The following VPS54 variants were observed in gnomAD, a reference collection of about 807,000 sequenced individuals.
VPS54 encodes vacuolar protein sorting-associated protein 54.
Under a neutral mutation model 121.5 loss-of-function variants are expected in VPS54, and 45 were observed. The observed-to-expected ratio is 0.37, with a 90% confidence interval of 0.29 to 0.47. VPS54 has a LOEUF of 0.47. Ranked by LOEUF, VPS54 falls within the 20% of genes least tolerant of loss-of-function variation. The pLI is 0.99. For missense variants in VPS54, 1,090 were observed against 1,131.4 expected (o/e 0.96, Z 0.52); for synonymous variants, 371 against 385.8 (o/e 0.96, Z 0.45).
chr2:63,970,370 C>T lies in VPS54; in HGVS notation c.458-1379G>A, dbSNP rs149278421. ...GCAGGACCTCAGATGCAAAAGCACT[C>T]ACTCTCAGGGATAGTCAAATGCCTC... is the stretch of plus-strand genomic sequence containing the variant. On this transcript the variant is annotated intron_variant, in intron 4 of 22. Transcript: ENST00000272322. Among the ~76,000 whole-genome samples the T allele has an allele frequency of 5.3e-4, 77 of 144,972 alleles. No homozygotes were observed. In the East Asian group the frequency reaches 0.012, roughly 22 times the overall value.
At chr2:63,926,723 C>T (rs1673923204) in intron 12 of VPS54, among the ~76,000 whole-genome samples, 1 of 152,208 alleles carries the variant, frequency 6.6e-6, no homozygotes, top group Admixed American at 6.5e-5. Flanking sequence ...GGGGATTTCC[C>T]TTTCCTAGCC....
intron 1 of VPS54, among the ~76,000 whole-genome samples, chr2:63,991,154 GTA>G (rs1173139098): frequency 2.0e-5 from 3 of 152,312 alleles, no homozygotes; most frequent in Middle Eastern, 3.4e-3. Context: ...ACAAAGGTGT[GTA>G]TGAGAGCTTG....
At position 63,981,687 on chromosome 2, in the gene VPS54, T is replaced by C. The variant is rs770666033; in HGVS notation, c.337A>G (p.Ser113Gly). Reference protein sequence around the residue: ...VIPSFYLPQISKEHFTVYQQE... With the variant: ...VIPSFYLPQIGKEHFTVYQQE... ...TGATATACTGTAAAATGTTCCTTGC[T>C]GATCTGTGGGAGGTAGAATGAAGGT... Residue 113 changes from serine (S) to glycine (G), a missense_variant, in exon 3 of 23, where the codon AGC becomes GGC. By Grantham distance (56) the Ser-to-Gly change is moderately conservative. Coordinates refer to ENST00000272322, the MANE Select transcript of VPS54 (RefSeq NM_016516.3). The C allele has an allele frequency of 1.2e-6, 2 of 1,611,834 alleles. No homozygotes were observed. The highest frequency in any genetic ancestry group is 1.1e-5 in the South Asian group (1 of 90,768).
chr2:63,910,608 T>G (rs915501624), intron 20 of VPS54, among the ~76,000 whole-genome samples: 2 of 152,202 alleles, frequency 1.3e-5, no homozygotes, highest in African/African-American at 4.8e-5. Flanking sequence ...CATACTTAGG[T>G]ATTTAGGGAT....
chr2:64,017,741 C>T (rs563196365), intron 1 of VPS54, among the ~76,000 whole-genome samples: 2 of 152,274 alleles, frequency 1.3e-5, no homozygotes, highest in African/African-American at 4.8e-5. Flanking sequence ...TGTAATAATT[C>T]TTAAGTTATC....
chr2:63,947,588 G>T, intron 8 of VPS54, 98 bp from the exon 9 acceptor site: 1 of 1,043,640 alleles, frequency 9.6e-7, no homozygotes, highest in Non-Finnish European at 1.3e-6. Context: ...TTGATCCTCA[G>T]ATCTCTATCC....
At chr2:63,945,666 A>C (rs1448074820) in intron 9 of VPS54, among the ~76,000 whole-genome samples, 3 of 152,182 alleles carry the variant, frequency 2.0e-5, no homozygotes, top group South Asian at 2.1e-4. Context: ...ATTATTTCAG[A>C]GTATGTTTGA....
At chr2:63,937,047 A>G (rs1451472564) in intron 11 of VPS54, among the ~76,000 whole-genome samples, 4 of 152,196 alleles carry the variant, frequency 2.6e-5, no homozygotes, top group Non-Finnish European at 2.9e-5. Flanking sequence ...TAAAATTCTT[A>G]CAAGAAAATA....
At chr2:63,938,509 A>G (rs1575932697) in intron 11 of VPS54, among the ~76,000 whole-genome samples, 1 of 151,634 alleles carries the variant, frequency 6.6e-6, no homozygotes, top group Admixed American at 6.6e-5. Context: ...TTGTCACCCA[A>G]GCTGGAGTGC....
chr2:64,009,321 T>C (rs1262786645), intron 1 of VPS54, among the ~76,000 whole-genome samples: 1 of 152,208 alleles, frequency 6.6e-6, no homozygotes, highest in Non-Finnish European at 1.5e-5. Context: ...TACATTTTCT[T>C]TTCTTTTTTT....
chr2:64,009,384 C>T (rs1379576966), intron 1 of VPS54, among the ~76,000 whole-genome samples: 1 of 151,998 alleles, frequency 6.6e-6, no homozygotes, highest in African/African-American at 2.4e-5. Context: ...GGCAAGATCT[C>T]AGTTCATAAC....
intron 20 of VPS54, among the ~76,000 whole-genome samples, chr2:63,910,637 A>C (rs560603061): frequency 6.6e-6 from 1 of 152,344 alleles, no homozygotes; most frequent in Non-Finnish European, 1.5e-5. Context: ...ATAATGCCTC[A>C]AATTTATTAT....
intron 1 of VPS54, among the ~76,000 whole-genome samples, chr2:64,016,141 A>T (rs1434212952): frequency 6.6e-6 from 1 of 152,152 alleles, no homozygotes; most frequent in Admixed American, 6.5e-5. Flanking sequence ...GACCTTTAAG[A>T]TCTTTTCCCT....
intron 11 of VPS54, among the ~76,000 whole-genome samples, chr2:63,940,360 A>G (rs1674662069): frequency 6.6e-6 from 1 of 152,224 alleles, no homozygotes; most frequent in African/African-American, 2.4e-5. Context: ...GTACATAAGT[A>G]CTAGTTTAAG....
intron 3 of VPS54, among the ~76,000 whole-genome samples, chr2:63,978,710 C>A (rs969972203): frequency 3.3e-5 from 5 of 152,158 alleles, no homozygotes; most frequent in Non-Finnish European, 4.4e-5. Flanking sequence ...ACCTCCACCT[C>A]CCAGGTTCAT....
chr2:63,949,911 G>A (rs73935025), intron 7 of VPS54, among the ~76,000 whole-genome samples: 1 of 152,156 alleles, frequency 6.6e-6, no homozygotes, highest in Non-Finnish European at 1.5e-5. Flanking sequence ...AGGAAGTCTT[G>A]AATAATGGGA....
chr2:63,957,712 T>A (rs1675567911), intron 7 of VPS54, among the ~76,000 whole-genome samples: 1 of 152,196 alleles, frequency 6.6e-6, no homozygotes, highest in South Asian at 2.1e-4. Flanking sequence ...ATGTGTTAGT[T>A]GAAAATTTCA....
intron 5 of VPS54, 32 bp from the exon 6 acceptor site, chr2:63,965,998 T>C: frequency 6.3e-7 from 1 of 1,593,128 alleles, no homozygotes. Flanking sequence ...CTCAATTAGA[T>C]AAGTATTTTC....
At chr2:63,913,624 G>C (rs1301344131) in intron 17 of VPS54, among the ~76,000 whole-genome samples, 1 of 152,040 alleles carries the variant, frequency 6.6e-6, no homozygotes, top group Non-Finnish European at 1.5e-5. Flanking sequence ...ATTTTCAAAA[G>C]TTATAAAAAT....
Sources: allele counts gnomAD v4.1 joint callset (sites outside exome capture counted in the v4.1 genomes callset), GRCh38; gene constraint gnomAD v4.1.1; transcripts MANE v1.5; gene names NCBI Gene and HGNC (gene_info 2026-07-23, HGNC 2026-07-21).